The following ERICH6B variants were observed in gnomAD, a reference collection of about 807,000 sequenced individuals.
ERICH6B encodes glutamate-rich protein 6B.
ERICH6B carries 69 observed loss-of-function variants against 80.0 expected under a neutral mutation model. That is an observed-to-expected ratio of 0.86 (90% CI 0.71 to 1.05). The LOEUF is 1.05. Ranked by LOEUF, ERICH6B falls within the 50% of genes least tolerant of loss-of-function variation. ERICH6B has a pLI of 0.00. For synonymous variants in ERICH6B, 283 were observed against 291.9 expected, an observed-to-expected ratio of 0.97 and a Z score of 0.31; for missense variants, 754 against 796.1, an observed-to-expected ratio of 0.95 and a Z score of 0.64.
chr13:45,546,494 T>C (rs1441857693), intron 13 of ERICH6B, among the ~76,000 whole-genome samples: 1 of 152,188 alleles, frequency 6.6e-6, no homozygotes, highest in Admixed American at 6.5e-5. Context: ...TGCCTTTCTT[T>C]GAAAACAACC....
intron 4 of ERICH6B, among the ~76,000 whole-genome samples, chr13:45,588,242 G>A (rs1876004017): frequency 1.3e-5 from 2 of 152,162 alleles, no homozygotes; most frequent in South Asian, 2.1e-4. Context: ...GCCCTGGGAA[G>A]TCTCCCTTCA....
intron 7 of ERICH6B, among the ~76,000 whole-genome samples, chr13:45,578,019 C>T (rs1241709540): frequency 6.6e-5 from 10 of 152,232 alleles, no homozygotes; most frequent in Non-Finnish European, 2.9e-5. Context: ...CTTGACCAAA[C>T]TTTAGTCAGG....
At chr13:45,587,733 G>A (rs1165823455) in intron 4 of ERICH6B, among the ~76,000 whole-genome samples, 1 of 152,228 alleles carries the variant, frequency 6.6e-6, no homozygotes, top group African/African-American at 2.4e-5. Flanking sequence ...CTGGGTGTGA[G>A]GTGCAGGCTC....
At chr13:45,575,339 T>C (rs549506683) in intron 7 of ERICH6B, among the ~76,000 whole-genome samples, 281 of 152,152 alleles carry the variant, frequency 1.8e-3, no homozygotes, top group Non-Finnish European at 3.1e-3. Context: ...GGGAGGGGCA[T>C]GTTTGACACA....
intron 10 of ERICH6B, among the ~76,000 whole-genome samples, chr13:45,562,880 G>A (rs1874747268): frequency 6.6e-6 from 1 of 152,206 alleles, no homozygotes; most frequent in Admixed American, 6.5e-5. Context: ...AATTGGTACT[G>A]GGGGTAAGTG....
intron 5 of ERICH6B, among the ~76,000 whole-genome samples, chr13:45,584,630 G>A (rs1241933692): frequency 2.6e-5 from 4 of 152,140 alleles, no homozygotes; most frequent in South Asian, 2.1e-4. Flanking sequence ...TCTGATAAGC[G>A]TTGAAAAGCT....
In ERICH6B at chr13:45,570,980, C is replaced by T. The variant is rs115334058; in HGVS notation, c.1051-2529G>A. Among the ~76,000 whole-genome samples the T allele has an allele frequency of 6.7e-3, 1,018 of 152,068 alleles. 20 individuals are homozygous for T. The highest frequency in any genetic ancestry group is 0.023 in the African/African-American group (962 of 41,370). On this transcript the variant is annotated intron_variant, in intron 8 of 14. Transcript: ENST00000298738. ...TTCGCTCCACTGCAGCTGCAGGTTC[C>T]GTGTGGCATTCACTCCATTCTTCTC...
chr13:45,563,609 C>T (rs1445396363), intron 10 of ERICH6B, 118 bp downstream of exon 10: 1 of 918,750 alleles, frequency 1.1e-6, no homozygotes, highest in Non-Finnish European at 1.7e-6. Context: ...GCCCTGTAGG[C>T]ACTGAAGTGA....
intron 13 of ERICH6B, among the ~76,000 whole-genome samples, chr13:45,546,189 T>C (rs551216045): frequency 1.3e-5 from 2 of 152,314 alleles, no homozygotes; most frequent in African/African-American, 4.8e-5. Context: ...CCCTATTCTG[T>C]GGGGCTTGCC....
intron 11 of ERICH6B, among the ~76,000 whole-genome samples, chr13:45,554,237 C>T (rs1874342224): frequency 6.6e-6 from 1 of 152,180 alleles, no homozygotes; most frequent in South Asian, 2.1e-4. Flanking sequence ...CTGTGCCTGG[C>T]TTCTTTCACT....
At chr13:45,592,961 C>T (rs1347822636) in intron 3 of ERICH6B, among the ~76,000 whole-genome samples, 1 of 152,172 alleles carries the variant, frequency 6.6e-6, no homozygotes, top group Non-Finnish European at 1.5e-5. Context: ...TGGTAAGTGA[C>T]ATGCCCAAGG....
intron 13 of ERICH6B, among the ~76,000 whole-genome samples, chr13:45,548,439 GC>G (rs1874073440): frequency 6.6e-6 from 1 of 152,192 alleles, no homozygotes; most frequent in Non-Finnish European, 1.5e-5. Flanking sequence ...CGGGGACTAA[GC>G]CCTTCCTCTG....
chr13:45,580,623 G>A lies in ERICH6B; in HGVS notation c.899C>T (p.Thr300Ile). ...TTTACCTTCCGGAGCCAGCTTCGTGGTGGTTTCTTGCTCTGTTTCTGATTT... is the reference window on the plus strand; with the variant it reads ...TTTACCTTCCGGAGCCAGCTTCGTGATGGTTTCTTGCTCTGTTTCTGATTT... ...KSKSETEQETTTKLAPEEHVN... is the reference protein window; with the variant it reads ...KSKSETEQETITKLAPEEHVN... The change falls in exon 6 of 15, where the codon ACC becomes ATC. Residue 300 changes from threonine (T) to isoleucine (I), a missense_variant. Thr to Ile is a moderately conservative substitution (Grantham distance 89). Transcript: ENST00000298738. 6.4e-7 allele frequency: 1 copy of A among 1,551,662 alleles called. No individual in the cohort carries two copies.
Position 45,604,769 on chromosome 13 carries a change from C to T in ERICH6B, c.-59+2795G>A, listed in dbSNP as rs2138033184. On this transcript the variant is annotated intron_variant, in intron 2 of 14. Transcript: ENST00000298738. ...GTAAGACCCTATCTCTAAAAAAAAC[C>T]TAAAAAATTAGCCGGGCATGGTGGT... 3.3e-5 allele frequency among the ~76,000 whole-genome samples: 5 copies of T among 151,916 alleles called. 1 individual carries two copies. The highest frequency in any genetic ancestry group is 3.3e-4 in the Admixed American group (5 of 15,246).
Position 45,541,550 on chromosome 13 carries a change from G to C in ERICH6B, c.2003C>G (p.Pro668Arg). 1.9e-6 allele frequency: 3 copies of C among 1,552,080 alleles called. No homozygotes were observed. Among genetic ancestry groups the C allele is most frequent in the Admixed American group, 2.0e-5 (1 of 51,000 alleles). The change falls in exon 15 of 15, where the codon CCT becomes CGT. Residue 668 changes from proline to arginine, a missense_variant. Physicochemically the swap from Pro to Arg is moderately radical, Grantham distance 103. Transcript: ENST00000298738. ...MNRLLNYATT[P>R]DLENFIEAVS... is the part of the protein sequence containing the mutation. ...GGCCTCTATGAAGTTTTCCAGATCAGGGGTGGTCGCGTAATTCAGGAGCCT... is the reference window on the plus strand; with the variant it reads ...GGCCTCTATGAAGTTTTCCAGATCACGGGTGGTCGCGTAATTCAGGAGCCT...
chr13:45,561,932 G>T (rs1286419326), intron 10 of ERICH6B, among the ~76,000 whole-genome samples: 1 of 152,160 alleles, frequency 6.6e-6, no homozygotes, highest in African/African-American at 2.4e-5. Flanking sequence ...TGAAAAAACA[G>T]GCGAAAGTCA....
rs1874682442 is a variant in ERICH6B, at chr13:45,561,532, A to G, written c.1250-6T>C. ...CATCTCTGTTAACTTTTGAGCTGCC[A>G]TTCAATTCAACGATTGCATTGAATA... On this transcript the variant is annotated splice_region_variant and splice_polypyrimidine_tract_variant and intron_variant, in intron 10 of 14. Transcript: ENST00000298738. The G allele has an allele frequency of 5.2e-6, 8 of 1,550,998 alleles. No individual in the cohort carries two copies. The East Asian group carries it at 2.0e-4, about 38-fold the overall frequency.
At chr13:45,585,564 C>T (rs1875865881) in intron 5 of ERICH6B, among the ~76,000 whole-genome samples, 1 of 152,024 alleles carries the variant, frequency 6.6e-6, no homozygotes, top group Non-Finnish European at 1.5e-5. Flanking sequence ...TAATGACCAT[C>T]CCCCCACCCC....
intron 5 of ERICH6B, among the ~76,000 whole-genome samples, chr13:45,581,361 A>T (rs1875658278): frequency 6.6e-6 from 1 of 152,194 alleles, no homozygotes. Flanking sequence ...AGACAGACAC[A>T]CACATACACA....
Sources: gnomAD v4.1 joint callset for allele counts (sites outside exome capture counted in the v4.1 genomes callset) on GRCh38, gnomAD v4.1.1 for gene constraint, MANE v1.5 for transcripts, NCBI Gene and HGNC (gene_info 2026-07-23, HGNC 2026-07-21) for gene names.